MEAF6: variants seen among roughly 807,000 people sequenced by gnomAD.
MEAF6 encodes the protein chromatin modification-related protein MEAF6.
A neutral mutation model predicts 28.9 loss-of-function variants in MEAF6; 15 were observed. That is an observed-to-expected ratio of 0.52 (90% CI 0.35 to 0.80). The LOEUF (loss-of-function observed/expected upper bound fraction) is 0.80, where lower values mean the gene tolerates loss of function less well. Among genes scored for constraint, MEAF6 ranks in the 30% least tolerant of loss-of-function variants. The pLI is 0.01. For missense variants in MEAF6, 178 were observed against 237.5 expected (o/e 0.75, Z 1.65); for synonymous variants, 97 against 88.7 (o/e 1.09, Z -0.53).
intron 6 of MEAF6, among the ~76,000 whole-genome samples, 186 bp downstream of exon 6, chr1:37,495,699 A>AC (rs1440709906): frequency 6.3e-4 from 74 of 118,276 alleles, no homozygotes; most frequent in African/African-American, 1.9e-3. Flanking sequence ...AAAAAAAACA[A>AC]AAAACAAAAA....
At chr1:37,500,166 C>A (rs1427849092) in intron 5 of MEAF6, among the ~76,000 whole-genome samples, 2 of 152,124 alleles carry the variant, frequency 1.3e-5, no homozygotes, top group African/African-American at 4.8e-5. Flanking sequence ...CACAGTGGTG[C>A]ACGCCTGTAA....
chr1:37,504,938 C>G (rs1180733870), intron 4 of MEAF6, among the ~76,000 whole-genome samples: 1 of 151,796 alleles, frequency 6.6e-6, no homozygotes, highest in Non-Finnish European at 1.5e-5. Flanking sequence ...GGCTGGAGTA[C>G]AGTGGCGCGA....
At chr1:37,514,227 C>A in intron 1 of MEAF6, 1 of 163,368 alleles carries the variant, frequency 6.1e-6, no homozygotes, top group Non-Finnish European at 1.3e-5. Flanking sequence ...GAACACGCTC[C>A]CCACCAGCCT....
intron 4 of MEAF6, among the ~76,000 whole-genome samples, chr1:37,504,772 CAAA>C (rs1207977254): frequency 2.5e-3 from 105 of 42,158 alleles, no homozygotes; most frequent in African/African-American, 8.4e-3. Context: ...GACTCCATCT[CAAA>C]AAAAAAAAAA....
chr1:37,495,236 C>G lies in MEAF6; in HGVS notation c.567+649G>C, dbSNP rs1456618775. Among the ~76,000 whole-genome samples, 4 of 151,240 alleles carry G rather than the reference C, an allele frequency of 2.6e-5. No homozygotes were observed. The East Asian group carries it at 7.8e-4, about 30-fold the overall frequency. On this transcript the variant is annotated intron_variant, in intron 6 of 6. Transcript: ENST00000296214. Reference sequence around the variant, plus strand: ...ATCCCAGCTACTCAGGAGGCTGAAGCAGGAGAATCACTTGAACCTGGGAGG... The same window carrying G: ...ATCCCAGCTACTCAGGAGGCTGAAGGAGGAGAATCACTTGAACCTGGGAGG...
intron 5 of MEAF6, chr1:37,501,566 T>C: frequency 2.6e-6 from 1 of 379,144 alleles, no homozygotes; most frequent in Non-Finnish European, 4.7e-6. Flanking sequence ...TTTTATGGAA[T>C]AAAACTATTC....
At chr1:37,507,435 T>C (rs1642522521) in intron 4 of MEAF6, among the ~76,000 whole-genome samples, 1 of 148,468 alleles carries the variant, frequency 6.7e-6, no homozygotes, top group South Asian at 2.1e-4. Flanking sequence ...GTGGCATTAA[T>C]TAAAAAGAAG....
intron 6 of MEAF6, among the ~76,000 whole-genome samples, chr1:37,494,515 CAAAAAAAAAA>C (rs35851858): frequency 1.3e-4 from 11 of 82,256 alleles, no homozygotes; most frequent in African/African-American, 4.3e-4. Flanking sequence ...AACTCTGTTT[CAAAAAAAAAA>C]AAAAAAAAAA....
chr1:37,491,727 T>TAAATAAAA lies in MEAF6; in HGVS notation c.*2371_*2372insTTTTATTT, dbSNP rs1402761075. On this transcript the variant is annotated 3_prime_UTR_variant, in exon 7 of 7. Coordinates refer to ENST00000296214, the MANE Select transcript of MEAF6 (RefSeq NM_001270875.3). ...ATAAATAAATAAATAAATAAATAAA[T>TAAATAAAA]AAAATATATAAATACTTAAATAATC... 3.5e-4 allele frequency among the ~76,000 whole-genome samples: 52 copies of TAAATAAAA among 150,558 alleles called. No homozygotes were observed. Among genetic ancestry groups the TAAATAAAA allele is most frequent in the Middle Eastern group, 3.4e-3 (1 of 292 alleles).
rs187770500 is a variant in MEAF6 at position 37,504,756 on chromosome 1, G to A, written c.341-2760C>T. ...CACTGCACTCCAGCCTGGGCAACAA[G>A]AGCAAGACTCCATCTCAAAAAAAAA... On this transcript the variant is annotated intron_variant, in intron 4 of 6. Coordinates refer to ENST00000296214, the MANE Select transcript of MEAF6 (RefSeq NM_001270875.3). Among the ~76,000 whole-genome samples, 459 of 107,816 alleles carry A rather than the reference G, an allele frequency of 4.3e-3. 2 individuals are homozygous for A. The highest frequency in any genetic ancestry group is 6.0e-3 in the Non-Finnish European group (341 of 56,984). The allele number at this position is 107,816 out of a possible 152,430, so 70.7% of individuals were successfully genotyped here.
chr1:37,495,688 AAAAAAAAACAAAAAAC>A lies in MEAF6; in HGVS notation c.567+181_567+196del, dbSNP rs1336575731. ...AAAGAGCAAGAAACTGTCTCTCAAAAAAAAAAAACAAAAAACAAAAAAAAAAAAAAACAAAAAAACC... is the reference window on the plus strand; with the variant it reads ...AAAGAGCAAGAAACTGTCTCTCAAAAAAAAAAAAAAAAAAACAAAAAAACC... On this transcript the variant is annotated intron_variant, in intron 6 of 6. Coordinates refer to ENST00000296214, the MANE Select transcript of MEAF6 (RefSeq NM_001270875.3). 5.4e-3 allele frequency among the ~76,000 whole-genome samples: 649 copies of A among 119,564 alleles called. 7 individuals carry two copies. The highest frequency in any genetic ancestry group is 0.018 in the African/African-American group (618 of 35,224). The allele number at this position is 119,564 out of a possible 152,430, so 78.4% of individuals were successfully genotyped here. A position where few individuals can be genotyped will look rare whatever the true frequency, so the allele number is the denominator to read the frequency against.
intron 2 of MEAF6, among the ~76,000 whole-genome samples, chr1:37,510,985 G>A (rs1330879607): frequency 6.6e-6 from 1 of 152,182 alleles, no homozygotes; most frequent in African/African-American, 2.4e-5. Context: ...CTCCCAAAGT[G>A]CTGAGATTAC....
At chr1:37,494,515 CAAA>C (rs35851858) in intron 6 of MEAF6, among the ~76,000 whole-genome samples, 3 of 82,248 alleles carry the variant, frequency 3.6e-5, no homozygotes, top group South Asian at 4.6e-4. Context: ...AACTCTGTTT[CAAA>C]AAAAAAAAAA....
chr1:37,511,163 A>C (rs1439611062), intron 2 of MEAF6, among the ~76,000 whole-genome samples: 1 of 152,254 alleles, frequency 6.6e-6, no homozygotes, highest in Non-Finnish European at 1.5e-5. Flanking sequence ...GGTCTGGGAC[A>C]AAAAATGCAA....
At chr1:37,513,185 C>T (rs1642723234) in intron 2 of MEAF6, among the ~76,000 whole-genome samples, 1 of 152,140 alleles carries the variant, frequency 6.6e-6, no homozygotes, top group Non-Finnish European at 1.5e-5. Flanking sequence ...TATAAAGATA[C>T]TGTATTTAAG....
intron 4 of MEAF6, among the ~76,000 whole-genome samples, chr1:37,506,090 G>A (rs1569977864): frequency 6.6e-6 from 1 of 152,196 alleles, no homozygotes; most frequent in African/African-American, 2.4e-5. Flanking sequence ...GGCTAACAGA[G>A]TGAAACCCAT....
Position 37,490,569 on chromosome 1 carries a change from C to T in MEAF6, c.*3530G>A, listed in dbSNP as rs1299821559. 6.6e-6 allele frequency among the ~76,000 whole-genome samples: 1 copy of T among 152,178 alleles called. No individual in the cohort carries two copies. Among genetic ancestry groups the T allele is most frequent in the African/African-American group, 2.4e-5 (1 of 41,448 alleles). ...TTCTGTTGGAGACAGCGTCTTGCTA[C>T]GTTACTCAGGCTGAAGTGCAGTGGC... On this transcript the variant is annotated 3_prime_UTR_variant, in exon 7 of 7. Transcript: ENST00000296214.
intron 1 of MEAF6, 155 bp from the exon 2 acceptor site, chr1:37,513,693 T>C: frequency 1.5e-6 from 1 of 659,692 alleles, no homozygotes; most frequent in South Asian, 1.7e-5. Flanking sequence ...GGAGGAGCCG[T>C]TTAGGACTAA....
chr1:37,499,703 C>T (rs12754089), intron 5 of MEAF6, among the ~76,000 whole-genome samples: 19,802 of 152,160 alleles, frequency 0.13, 1,581 homozygotes, highest in South Asian at 0.17. Context: ...ATTTGCGAAG[C>T]AGTAACTAAT....
Sources: allele counts gnomAD v4.1 joint callset (sites outside exome capture counted in the v4.1 genomes callset), GRCh38; gene constraint gnomAD v4.1.1; transcripts MANE v1.5; gene names NCBI Gene and HGNC (gene_info 2026-07-23, HGNC 2026-07-21).